FRYL: variants seen among roughly 807,000 people sequenced by gnomAD.
The protein encoded by FRYL is FRY like transcription coactivator.
In FRYL, 150 loss-of-function variants were observed where a neutral mutation model predicts 351.2. That is an observed-to-expected ratio of 0.43 (90% CI 0.37 to 0.49). The LOEUF (loss-of-function observed/expected upper bound fraction) is 0.49. FRYL is among the 20% of genes least tolerant of loss of function. The pLI is 0.00. For missense variants in FRYL, 3,036 were observed against 3,619.3 expected (o/e 0.84, Z 4.13); for synonymous variants, 1,153 against 1,257.1 (o/e 0.92, Z 1.75).
In FRYL at chr4:48,557,541, G is replaced by A. The variant is rs778718894; in HGVS notation, c.4037C>T (p.Thr1346Ile). 2 of 1,614,018 alleles carry A rather than the reference G, an allele frequency of 1.2e-6. No individual in the cohort carries two copies. The highest frequency in any genetic ancestry group is 2.7e-5 in the African/African-American group (2 of 74,900). ...DSLKDRELMV[T>I]SRRWLRGEGW... ...TTCTCCCCGTAACCAGCGCCTACTA[G>A]TCACCATAAGTTCTCGGTCTTTTAA... is the stretch of plus-strand genomic sequence containing the variant. The change falls in exon 34 of 64, where the codon ACT becomes ATT. Residue 1346 changes from threonine to isoleucine, a missense_variant. Physicochemically the swap from Thr to Ile is moderately conservative, Grantham distance 89 (BLOSUM62 -1). Around this residue, in one of 7 missense-constraint regions of FRYL, gnomAD observed 1,987 missense variants for 2,311.7 expected, o/e 0.86. Transcript: ENST00000358350.
At chr4:48,554,527 T>C (rs1212869594) in intron 35 of FRYL, among the ~76,000 whole-genome samples, 1 of 152,058 alleles carries the variant, frequency 6.6e-6, no homozygotes, top group African/African-American at 2.4e-5. Context: ...TTAGTACAGA[T>C]GGGGTTTCAT....
intron 1 of FRYL, among the ~76,000 whole-genome samples, chr4:48,712,461 G>C (rs1361308042): frequency 1.3e-5 from 2 of 152,112 alleles, no homozygotes; most frequent in African/African-American, 4.8e-5. Context: ...TGGAAGAAAG[G>C]GTATCAGCGA....
At chr4:48,576,418 C>T (rs1739623534) in intron 23 of FRYL, among the ~76,000 whole-genome samples, 196 bp from the exon 24 acceptor site, 1 of 151,814 alleles carries the variant, frequency 6.6e-6, no homozygotes, top group South Asian at 2.1e-4. Flanking sequence ...GATCCTCCCA[C>T]CTCAGCCTCC....
intron 2 of FRYL, among the ~76,000 whole-genome samples, chr4:48,693,444 G>A (rs1488473007): frequency 1.3e-5 from 2 of 152,164 alleles, no homozygotes; most frequent in East Asian, 3.9e-4. Flanking sequence ...ATAAATGTTT[G>A]AGCTGAGGAA....
At chr4:48,720,090 G>A (rs1268751845) in intron 1 of FRYL, among the ~76,000 whole-genome samples, 1 of 149,056 alleles carries the variant, frequency 6.7e-6, no homozygotes, top group East Asian at 2.0e-4. Flanking sequence ...GTGGAGATTG[G>A]AGTGAGCCAA....
rs1232046978 is a variant in FRYL, at chr4:48,645,156, C to A, written c.-80-10666G>T. Among the ~76,000 whole-genome samples the A allele has an allele frequency of 2.0e-3, 150 of 74,428 alleles. 5 individuals are homozygous for A. The highest frequency in any genetic ancestry group is 8.6e-3 in the Middle Eastern group (1 of 116). The allele number at this position is 74,428 out of a possible 152,430, so 48.8% of individuals were successfully genotyped here. ...TATATATATATATATATATATATAT[C>A]AGACTGGCAAATACTAAAAAGAATG... On this transcript the variant is annotated intron_variant, in intron 3 of 63. Coordinates refer to ENST00000358350, the MANE Select transcript of FRYL (RefSeq NM_015030.2).
chr4:48,741,088 A>G (rs1229996155), intron 1 of FRYL, among the ~76,000 whole-genome samples: 1 of 151,984 alleles, frequency 6.6e-6, no homozygotes, highest in Non-Finnish European at 1.5e-5. Flanking sequence ...ATTTAACACT[A>G]AAAGGAAATA....
intron 20 of FRYL, among the ~76,000 whole-genome samples, chr4:48,582,039 T>C (rs1241381941): frequency 6.6e-6 from 1 of 152,222 alleles, no homozygotes; most frequent in East Asian, 1.9e-4. Flanking sequence ...GTGGCTTCAA[T>C]GGCTCGGGTC....
chr4:48,712,592 T>C (rs937670899), intron 1 of FRYL, among the ~76,000 whole-genome samples: 5 of 152,300 alleles, frequency 3.3e-5, no homozygotes, highest in South Asian at 2.1e-4. Context: ...CTACGTCTGA[T>C]TGGTGTACCT....
chr4:48,632,414 T>C (rs1310429354), intron 4 of FRYL, among the ~76,000 whole-genome samples: 1 of 150,464 alleles, frequency 6.6e-6, no homozygotes, highest in Non-Finnish European at 1.5e-5. Flanking sequence ...TAATTTATCA[T>C]GTAATTCAGA....
At chr4:48,568,308 G>A (rs563737460) in intron 27 of FRYL, among the ~76,000 whole-genome samples, 33 of 152,242 alleles carry the variant, frequency 2.2e-4, no homozygotes, top group Middle Eastern at 3.4e-3. Context: ...CTATGTCTGC[G>A]CCTGGCAACC....
At position 48,579,200 on chromosome 4, in the gene FRYL, A is replaced by T. The variant is rs773257970; in HGVS notation, c.2301T>A (p.Thr767=). ...LYCPSSIDLQ[T]LAEWNSSPIS... is the part of the protein sequence containing the mutation. ...TAGGAGAAGAGTTCCATTCTGCTAA[A>T]GTTTGTAAATCTATCGAGCTAGGGC... Residue 767 remains threonine, a synonymous_variant, in exon 23 of 64, where the codon ACT becomes ACA. Coordinates refer to ENST00000358350, the MANE Select transcript of FRYL (RefSeq NM_015030.2). 6.2e-7 allele frequency: 1 copy of T among 1,613,818 alleles called. No individual in the cohort carries two copies. The highest frequency in any genetic ancestry group is 1.1e-5 in the South Asian group (1 of 91,042).
intron 3 of FRYL, among the ~76,000 whole-genome samples, chr4:48,683,797 G>GA (rs1356782669): frequency 2.0e-5 from 3 of 152,122 alleles, no homozygotes; most frequent in African/African-American, 7.2e-5. Context: ...CCCACAAACA[G>GA]AAAAAACAAC....
Position 48,497,974 on chromosome 4 carries a change from C to G in FRYL, c.*1448G>C, listed in dbSNP as rs531022159. On this transcript the variant is annotated 3_prime_UTR_variant, in exon 64 of 64. Coordinates refer to ENST00000358350, the MANE Select transcript of FRYL (RefSeq NM_015030.2). ...ATTTCTACATTCTAAACTCTGGAAT[C>G]ACAGAGCCCAGTTTAAAAGAAAAGT... is the stretch of plus-strand genomic sequence containing the variant. The G allele has an allele frequency of 1.3e-5, 2 of 152,454 alleles. No homozygotes were observed. The highest frequency in any genetic ancestry group is 2.9e-5 in the Non-Finnish European group (2 of 67,962). 9.4% of individuals were successfully genotyped at this position (152,454 alleles called of 1,614,324 possible).
chr4:48,497,378 A>G lies in FRYL; in HGVS notation c.*2044T>C, dbSNP rs1286268522. On this transcript the variant is annotated 3_prime_UTR_variant, in exon 64 of 64. Coordinates refer to ENST00000358350, the MANE Select transcript of FRYL (RefSeq NM_015030.2). ...CATCTTGCTTGCTGCAGGTATATTC[A>G]TTTTTATTATATTAATAGACTTAGT... is the stretch of plus-strand genomic sequence containing the variant. 1 of 152,328 alleles carries G rather than the reference A, an allele frequency of 6.6e-6. No homozygotes were observed. The highest frequency in any genetic ancestry group is 1.5e-5 in the Non-Finnish European group (1 of 68,030). The allele number at this position is 152,328 out of a possible 1,614,324, so 9.4% of individuals were successfully genotyped here. A position where few individuals can be genotyped will look rare whatever the true frequency, so the allele number is the denominator to read the frequency against.
intron 36 of FRYL, among the ~76,000 whole-genome samples, chr4:48,552,800 GATA>G (rs1560590202): frequency 6.6e-6 from 1 of 152,078 alleles, no homozygotes. Context: ...TAGTTTTACA[GATA>G]ATGTTATTAG....
chr4:48,510,323 G>GT (rs1722205935), intron 58 of FRYL, among the ~76,000 whole-genome samples, 166 bp from the exon 59 acceptor site: 1 of 152,186 alleles, frequency 6.6e-6, no homozygotes, highest in Admixed American at 6.5e-5. Flanking sequence ...CTGGAACAGA[G>GT]TAGGAGTGCA....
intron 1 of FRYL, among the ~76,000 whole-genome samples, chr4:48,712,114 G>T (rs946084821): frequency 6.6e-6 from 1 of 152,052 alleles, no homozygotes; most frequent in African/African-American, 2.4e-5. Context: ...CACAAAGATG[G>T]GGAAAAAACA....
intron 33 of FRYL, among the ~76,000 whole-genome samples, chr4:48,559,748 AG>A (rs1339068896): frequency 6.6e-6 from 1 of 151,694 alleles, no homozygotes; most frequent in African/African-American, 2.4e-5. Context: ...ACAGAAAAAA[AG>A]GGACGGAAGG....
Sources: gnomAD v4.1 joint callset for allele counts (sites outside exome capture counted in the v4.1 genomes callset) on GRCh38, gnomAD v4.1.1 for gene constraint, gnomAD v4.1.1 regional missense constraint, MANE v1.5 for transcripts, NCBI Gene and HGNC (gene_info 2026-07-23, HGNC 2026-07-21) for gene names.